The following ASAP2 variants were observed in gnomAD, a reference collection of about 807,000 sequenced individuals.
ASAP2 encodes arf-GAP with SH3 domain, ANK repeat and PH domain-containing protein 2.
A neutral mutation model predicts 131.4 loss-of-function variants in ASAP2; 45 were observed. The observed-to-expected ratio is 0.34, with a 90% CI of 0.27 to 0.44. The LOEUF (loss-of-function observed/expected upper bound fraction) is 0.44, where lower values mean the gene tolerates loss of function less well. Ranked by LOEUF, ASAP2 falls within the 20% of genes least tolerant of loss-of-function variation. The probability of loss-of-function intolerance (pLI) is 1.00; values close to 1 mark genes in which losing one functional copy is unlikely to be tolerated. For missense variants in ASAP2, 1,011 were observed against 1,297.0 expected, an observed-to-expected ratio of 0.78 and a Z score of 3.39; for synonymous variants, 510 against 503.0, an observed-to-expected ratio of 1.01 and a Z score of -0.19.
rs1675520863 is a variant in ASAP2 at position 9,389,074 on chromosome 2, G to A, written c.2383+528G>A. On this transcript the variant is annotated intron_variant, in intron 22 of 27. Transcript: ENST00000281419. The surrounding 1 kb of genome is among the most constrained non-coding windows in gnomAD (Gnocchi z 4.7). Reference sequence around the variant, plus strand: ...GCCTACCAGTGTCTTAGGGCAAAAAGCATGCTTTTCTTACCTCAGCTGTAA... The same window carrying A: ...GCCTACCAGTGTCTTAGGGCAAAAAACATGCTTTTCTTACCTCAGCTGTAA... Among the ~76,000 whole-genome samples, 2 of 152,246 alleles carry A rather than the reference G, an allele frequency of 1.3e-5. No individual in the cohort carries two copies. Among genetic ancestry groups the A allele is most frequent in the Non-Finnish European group, 1.5e-5 (1 of 68,044 alleles).
At chr2:9,296,758 T>G (rs1294869835) in intron 2 of ASAP2, among the ~76,000 whole-genome samples, 2 of 152,068 alleles carry the variant, frequency 1.3e-5, no homozygotes, top group Non-Finnish European at 2.9e-5. Flanking sequence ...GGAGGAAGCA[T>G]GAGTCTGTAG....
intron 2 of ASAP2, among the ~76,000 whole-genome samples, chr2:9,280,354 C>A (rs1667052787): frequency 6.6e-6 from 1 of 152,072 alleles, no homozygotes; most frequent in South Asian, 2.1e-4. Flanking sequence ...ACCTGCTCCC[C>A]CCCACCGCCC....
chr2:9,249,301 G>T (rs1358088824), intron 1 of ASAP2, among the ~76,000 whole-genome samples: 2 of 152,228 alleles, frequency 1.3e-5, no homozygotes, highest in African/African-American at 4.8e-5. Context: ...GGCTCAGCCT[G>T]CCCGTGGCCT....
At chr2:9,263,033 C>T (rs753446888) in intron 1 of ASAP2, among the ~76,000 whole-genome samples, 1 of 152,184 alleles carries the variant, frequency 6.6e-6, no homozygotes, top group Non-Finnish European at 1.5e-5. Flanking sequence ...GCTGACCTCA[C>T]GCCCAGCTGA....
At chr2:9,263,383 C>T (rs1449391179) in intron 1 of ASAP2, among the ~76,000 whole-genome samples, 9 of 152,346 alleles carry the variant, frequency 5.9e-5, no homozygotes, top group Non-Finnish European at 1.3e-4. Flanking sequence ...CCCAGAGCTG[C>T]CCCACGCTGC....
intron 21 of ASAP2, 59 bp from the exon 22 acceptor site, chr2:9,388,235 T>C: frequency 6.3e-7 from 1 of 1,598,656 alleles, no homozygotes; most frequent in South Asian, 1.1e-5. Context: ...TGTTGAATGT[T>C]ATCACCAGGA....
chr2:9,392,494 A>G lies in ASAP2; in HGVS notation c.2519-988A>G, dbSNP rs1464416413. Among the ~76,000 whole-genome samples the G allele has an allele frequency of 6.6e-6, 1 of 152,206 alleles. No homozygotes were observed. The highest frequency in any genetic ancestry group is 2.4e-5 in the African/African-American group (1 of 41,460). On this transcript the variant is annotated intron_variant, in intron 23 of 27. Transcript: ENST00000281419. The surrounding 1 kb of genome is among the most constrained non-coding windows in gnomAD (Gnocchi z 4.0). ...ACATGCCGGCAGCAGAGCCGGGAGC[A>G]GTGGGTCTGGGAGGGTCTTCAGAGG... is the stretch of plus-strand genomic sequence containing the variant.
intron 1 of ASAP2, 30 bp from the exon 2 acceptor site, chr2:9,279,287 G>C (rs780877420): frequency 6.2e-7 from 1 of 1,607,504 alleles, no homozygotes; most frequent in African/African-American, 1.3e-5. Context: ...GCACAGACAC[G>C]GTTTAATGAC....
At chr2:9,364,770 G>A (rs1017651280) in intron 15 of ASAP2, among the ~76,000 whole-genome samples, 12 of 152,156 alleles carry the variant, frequency 7.9e-5, no homozygotes, top group African/African-American at 2.9e-4. Flanking sequence ...GATACTAAAA[G>A]CAATTGCTTA....
chr2:9,353,381 A>T (rs931193928), intron 12 of ASAP2, among the ~76,000 whole-genome samples: 2 of 152,096 alleles, frequency 1.3e-5, no homozygotes, highest in African/African-American at 4.8e-5. Context: ...ACTGGGCAAC[A>T]TAGCAAGACC....
At chr2:9,267,056 G>T (rs186619317) in intron 1 of ASAP2, among the ~76,000 whole-genome samples, 57 of 152,230 alleles carry the variant, frequency 3.7e-4, no homozygotes, top group African/African-American at 1.3e-3. Context: ...TTCTTTAAAA[G>T]ATGCTTTAAT....
chr2:9,278,108 G>A (rs1666869842), intron 1 of ASAP2, among the ~76,000 whole-genome samples: 1 of 152,164 alleles, frequency 6.6e-6, no homozygotes, highest in Non-Finnish European at 1.5e-5. Flanking sequence ...GTTATTATGT[G>A]CCAGTAGCTG....
intron 2 of ASAP2, among the ~76,000 whole-genome samples, chr2:9,289,758 G>T (rs940427991): frequency 6.6e-6 from 1 of 152,118 alleles, no homozygotes; most frequent in Admixed American, 6.5e-5. Flanking sequence ...TAGACAACAG[G>T]TTTTGTATTT....
intron 16 of ASAP2, among the ~76,000 whole-genome samples, chr2:9,371,838 C>T (rs1180408535): frequency 1.3e-5 from 2 of 152,120 alleles, no homozygotes; most frequent in Non-Finnish European, 2.9e-5. Flanking sequence ...GAGGGAGGGC[C>T]GGGCGCGGTG....
At chr2:9,344,890 C>T (rs1671859509) in intron 11 of ASAP2, 90 bp downstream of exon 11, 6 of 1,124,728 alleles carry the variant, frequency 5.3e-6, no homozygotes, top group Non-Finnish European at 8.0e-6. Context: ...AGGAGTTGTT[C>T]TCCGTGTGTG....
chr2:9,245,798 T>G lies in ASAP2; in HGVS notation c.127-33519T>G, dbSNP rs539212642. Among the ~76,000 whole-genome samples, 3 of 152,298 alleles carry G rather than the reference T, an allele frequency of 2.0e-5. No individual in the cohort carries two copies. In the East Asian group the frequency reaches 5.8e-4, roughly 29 times the overall value. On this transcript the variant is annotated intron_variant, in intron 1 of 27. Transcript: ENST00000281419. ...TCTGCCTCCACTAGAGTGTCATGGA[T>G]GCTCCTGGGGGACAGAGCCTTTGTT...
chr2:9,356,366 G>A (rs373474924), intron 14 of ASAP2, 21 bp downstream of exon 14: 5 of 1,555,496 alleles, frequency 3.2e-6, no homozygotes, highest in African/African-American at 1.4e-5. Flanking sequence ...GACCCCACCC[G>A]ACCCTGGGCT....
intron 6 of ASAP2, among the ~76,000 whole-genome samples, chr2:9,325,142 A>G (rs1670399090): frequency 6.6e-6 from 1 of 152,242 alleles, no homozygotes; most frequent in South Asian, 2.1e-4. Context: ...TCTTATAGAC[A>G]GGAGAATGGA....
intron 1 of ASAP2, among the ~76,000 whole-genome samples, chr2:9,208,972 A>C (rs1370926211): frequency 1.3e-5 from 2 of 151,332 alleles, no homozygotes; most frequent in African/African-American, 4.9e-5. Flanking sequence ...AAAGCCAAGC[A>C]AACAAGAATT....
Sources: allele counts gnomAD v4.1 joint callset (sites outside exome capture counted in the v4.1 genomes callset), GRCh38; gene constraint gnomAD v4.1.1; non-coding constraint Gnocchi (gnomAD v3.1); transcripts MANE v1.5; gene names NCBI Gene and HGNC (gene_info 2026-07-23, HGNC 2026-07-21).